Variants in RYR3 observed in about 807,000 individuals in gnomAD.
RYR3 encodes the protein brain ryanodine receptor-calcium release channel.
In RYR3, 207 loss-of-function variants were observed where a neutral mutation model predicts 584.3. The observed-to-expected ratio is 0.35, with a 90% CI of 0.32 to 0.40. The LOEUF (loss-of-function observed/expected upper bound fraction) is 0.40. Among genes scored for constraint, RYR3 ranks in the 10% least tolerant of loss-of-function variants. RYR3 has a pLI of 1.00. For synonymous variants in RYR3, 2,416 were observed against 2,248.5 expected (o/e 1.07, Z -2.11); for missense variants, 5,616 against 6,089.2 (o/e 0.92, Z 2.59).
rs541942550 is a variant in RYR3, at chr15:33,853,763, G to C, written c.13799+81G>C. Reference sequence around the variant, plus strand: ...TTTTCCATAGGAAAAAATCACAACCGTGTCTTTGTTCTCTCAGGCTGTGGT... The same window carrying C: ...TTTTCCATAGGAAAAAATCACAACCCTGTCTTTGTTCTCTCAGGCTGTGGT... On this transcript the variant is annotated intron_variant, in intron 96 of 103. Transcript: ENST00000634891. The C allele has an allele frequency of 4.9e-5, 75 of 1,525,194 alleles. 1 individual carries two copies. In the South Asian group the frequency reaches 9.1e-4, roughly 18 times the overall value. The allele number at this position is 1,525,194 out of a possible 1,614,324, so 94.5% of individuals were successfully genotyped here. A position where few individuals can be genotyped will look rare whatever the true frequency, so the allele number is the denominator to read the frequency against.
chr15:33,813,441 C>T (rs1441507729), intron 73 of RYR3, 26 bp from the exon 74 acceptor site: 1 of 1,583,654 alleles, frequency 6.3e-7, no homozygotes, highest in Non-Finnish European at 8.7e-7. Context: ...GCCTAATGTG[C>T]ACCAACCGAT....
chr15:33,777,116 C>T (rs924087478), intron 64 of RYR3, among the ~76,000 whole-genome samples: 4 of 152,232 alleles, frequency 2.6e-5, no homozygotes, highest in Non-Finnish European at 4.4e-5. Flanking sequence ...TGAGCCCAGG[C>T]TTTCAAGGCT....
intron 37 of RYR3, among the ~76,000 whole-genome samples, chr15:33,669,880 GGT>G (rs71117160): frequency 0.1 from 10,380 of 103,324 alleles, 681 homozygotes; most frequent in African/African-American, 0.19. Flanking sequence ...GGGTGTGTGT[GGT>G]GTGTGTGTGT....
chr15:33,337,396 A>G (rs1971249823), intron 1 of RYR3, among the ~76,000 whole-genome samples: 1 of 152,248 alleles, frequency 6.6e-6, no homozygotes, highest in Admixed American at 6.5e-5. Context: ...GGCAAATTCT[A>G]CAGCAACAAC....
At chr15:33,566,116 T>A (rs141054905) in intron 11 of RYR3, among the ~76,000 whole-genome samples, 82 of 152,304 alleles carry the variant, frequency 5.4e-4, no homozygotes, top group East Asian at 3.7e-3. Context: ...TCTGCTGATA[T>A]CAGAGCCCAT....
At chr15:33,781,181 T>C (rs140528401) in intron 65 of RYR3, among the ~76,000 whole-genome samples, 16 of 152,296 alleles carry the variant, frequency 1.1e-4, no homozygotes, top group African/African-American at 3.6e-4. Flanking sequence ...TCTGGGTTAA[T>C]TGTGATCCTG....
intron 60 of RYR3, among the ~76,000 whole-genome samples, chr15:33,763,271 G>T (rs988052273): frequency 6.6e-6 from 1 of 152,078 alleles, no homozygotes; most frequent in Non-Finnish European, 1.5e-5. Context: ...GACAAATGGG[G>T]TCTAATTAAA....
In RYR3 at chr15:33,696,229, G is replaced by A. The variant is rs768387060; in HGVS notation, c.5872G>A (p.Glu1958Lys). Residue 1958 changes from glutamate (E) to lysine (K), a missense_variant, in exon 39 of 104, where the codon GAA becomes AAA. This residue lies in a region of RYR3 where 1,280 missense variants were observed against 1,426.2 expected (regional missense o/e 0.90). Transcript: ENST00000634891. ...EEERCPTTLK[E>K]LISQTMICWA... ...TGTTGTCCTTCCAGCAACATTGAAG[G>A]AACTCATCTCACAGACGATGATCTG... is the stretch of plus-strand genomic sequence containing the variant. 37 of 1,613,136 alleles carry A rather than the reference G, an allele frequency of 2.3e-5. 1 individual carries two copies. The Middle Eastern group carries it at 9.9e-4, about 43-fold the overall frequency.
chr15:33,509,003 T>C (rs1014275410), intron 3 of RYR3, among the ~76,000 whole-genome samples: 10 of 152,160 alleles, frequency 6.6e-5, no homozygotes, highest in Non-Finnish European at 1.2e-4. Flanking sequence ...TTATGCTATA[T>C]CCGTGTAAAG....
At chr15:33,462,941 G>A (rs2596160) in intron 1 of RYR3, among the ~76,000 whole-genome samples, 88,013 of 151,922 alleles carry the variant, frequency 0.58, 26,106 homozygotes, top group African/African-American at 0.73. Flanking sequence ...AGCACTTTGG[G>A]AGGCTGATTG....
At chr15:33,644,863 C>G (rs977589022) in intron 28 of RYR3, among the ~76,000 whole-genome samples, 1 of 150,210 alleles carries the variant, frequency 6.7e-6, no homozygotes, top group South Asian at 2.1e-4. Context: ...TTTTTAAGTT[C>G]GGGCTGGGTG....
At chr15:33,789,624 T>TTATATATATATATATATATATATATATA (rs1567174689) in intron 67 of RYR3, among the ~76,000 whole-genome samples, 1 of 11,694 alleles carries the variant, frequency 8.6e-5, no homozygotes, top group Admixed American at 2.0e-3. Context: ...AGGTTTTATT[T>TTATATATATATATATATATATATATATA]TATATATATA....
At chr15:33,564,788 T>C (rs1017398295) in intron 11 of RYR3, among the ~76,000 whole-genome samples, 1 of 152,192 alleles carries the variant, frequency 6.6e-6, no homozygotes, top group Admixed American at 6.5e-5. Context: ...GCAGATTCAT[T>C]TAACTGTTAG....
intron 1 of RYR3, among the ~76,000 whole-genome samples, chr15:33,471,935 T>A (rs180835296): frequency 4.7e-4 from 72 of 152,258 alleles, no homozygotes; most frequent in African/African-American, 1.7e-3. Context: ...CGCCCCTGGT[T>A]GATACAGGAT....
chr15:33,795,302 G>T (rs1365569440), intron 67 of RYR3, among the ~76,000 whole-genome samples: 1 of 151,966 alleles, frequency 6.6e-6, no homozygotes, highest in African/African-American at 2.4e-5. Flanking sequence ...GGTGTGCTCA[G>T]TGGGGGACAC....
At chr15:33,745,310 G>C (rs751380818) in intron 52 of RYR3, among the ~76,000 whole-genome samples, 3 of 151,732 alleles carry the variant, frequency 2.0e-5, no homozygotes, top group Non-Finnish European at 4.4e-5. Context: ...TTCTGCGCTG[G>C]AAGTACTGAT....
chr15:33,485,350 A>G (rs1389822831), intron 2 of RYR3, among the ~76,000 whole-genome samples: 2 of 152,204 alleles, frequency 1.3e-5, no homozygotes, highest in Non-Finnish European at 2.9e-5. Flanking sequence ...ATGGCAGGAT[A>G]GGGTCTTAGA....
intron 46 of RYR3, 147 bp downstream of exon 46, chr15:33,726,653 G>A: frequency 1.2e-6 from 1 of 823,560 alleles, no homozygotes; most frequent in Non-Finnish European, 1.8e-6. Flanking sequence ...TTCCTGTGAT[G>A]AGTTTTCTCC....
rs765761313 is a variant in RYR3, at chr15:33,635,661, C to T, written c.3223C>T (p.Arg1075Trp). Residue 1075 changes from arginine to tryptophan, a missense_variant, in exon 26 of 104, where the codon CGG becomes TGG. This residue lies in a region of RYR3 where 1,284 missense variants were observed against 1,344.6 expected (regional missense o/e 0.95). Coordinates refer to ENST00000634891, the MANE Select transcript of RYR3 (RefSeq NM_001036.6). Reference protein sequence around the residue: ...KVSIDKIRFFRVERSYAVRSG... With the variant: ...KVSIDKIRFFWVERSYAVRSG... ...CAGCATAGACAAGATCCGATTTTTC[C>T]GGGTAGAGCGATCTTATGCAGTGAG... The T allele has an allele frequency of 6.2e-6, 10 of 1,613,930 alleles. No individual in the cohort carries two copies. The highest frequency in any genetic ancestry group is 2.2e-5 in the South Asian group (2 of 91,034).
Sources: allele counts gnomAD v4.1 joint callset (sites outside exome capture counted in the v4.1 genomes callset), GRCh38; gene constraint gnomAD v4.1.1; regional missense constraint gnomAD v4.1.1; transcripts MANE v1.5; gene names NCBI Gene and HGNC (gene_info 2026-07-23, HGNC 2026-07-21).